Variants in SGO2 observed in about 807,000 individuals in gnomAD.
SGO2 encodes shugoshin 2.
Under a neutral mutation model 99.5 loss-of-function variants are expected in SGO2, and 68 were observed. The ratio of observed to expected loss-of-function variants is 0.68; its 90% CI spans 0.56 to 0.84. The LOEUF is 0.84. Among genes scored for constraint, SGO2 ranks in the 40% least tolerant of loss-of-function variants. SGO2 has a pLI of 0.00. For synonymous variants in SGO2, 457 were observed against 487.1 expected (o/e 0.94, Z 0.81); for missense variants, 1,350 against 1,436.7 (o/e 0.94, Z 0.97).
chr2:200,540,028 G>T (rs1245424849), intron 4 of SGO2, among the ~76,000 whole-genome samples: 1 of 149,804 alleles, frequency 6.7e-6, no homozygotes, highest in Non-Finnish European at 1.5e-5. Flanking sequence ...ATTTTATTTG[G>T]TTATTACATT....
rs773233021 is a variant in SGO2 at position 200,571,515 on chromosome 2, C to T, written c.1169C>T (p.Thr390Ile). 2.5e-6 allele frequency: 4 copies of T among 1,611,130 alleles called. No homozygotes were observed. Among genetic ancestry groups the T allele is most frequent in the South Asian group, 2.2e-5 (2 of 90,262 alleles). ...ATTAAAAAGAAAAGTAATAAAAAAA[C>T]AAATGAACATGGAATGAAAACTTTC... is the stretch of plus-strand genomic sequence containing the variant. Reference protein sequence around the residue: ...TGIKKKSNKKTNEHGMKTFRK... With the variant: ...TGIKKKSNKKINEHGMKTFRK... The change falls in exon 7 of 9, where the codon ACA becomes ATA. Residue 390 changes from threonine to isoleucine, a missense_variant. By Grantham distance (89) the Thr-to-Ile change is moderately conservative (BLOSUM62 -1). Coordinates refer to ENST00000357799, the MANE Select transcript of SGO2 (RefSeq NM_152524.6).
rs2033436242 is a variant in SGO2 at position 200,571,749 on chromosome 2, A to G, written c.1403A>G (p.Asn468Ser). ...ATGAATGAACAGCTGGCTCAGGTGA[A>G]TGAACTAAAGAAAATGACCCTTCAA... The part of the protein sequence containing the change: ...AQMNEQLAQV[N>S]ELKKMTLQTG... The change falls in exon 7 of 9, where the codon AAT (asparagine) becomes AGT (serine). Residue 468 changes from asparagine (N) to serine (S), a missense_variant. Coordinates refer to ENST00000357799, the MANE Select transcript of SGO2 (RefSeq NM_152524.6). The G allele has an allele frequency of 6.2e-7, 1 of 1,613,768 alleles. No individual in the cohort carries two copies. The highest frequency in any genetic ancestry group is 1.7e-5 in the Admixed American group (1 of 59,994).
chr2:200,574,176 G>A (rs1336525425), intron 7 of SGO2, among the ~76,000 whole-genome samples, 199 bp downstream of exon 7: 3 of 152,024 alleles, frequency 2.0e-5, no homozygotes, highest in African/African-American at 7.2e-5. Flanking sequence ...AACAGTGAGA[G>A]TATCTTGGAC....
At chr2:200,563,134 T>C (rs1005136118) in intron 5 of SGO2, among the ~76,000 whole-genome samples, 2 of 152,220 alleles carry the variant, frequency 1.3e-5, no homozygotes, top group Non-Finnish European at 2.9e-5. Context: ...CCCTGTCTTA[T>C]GCCAGTTTTC....
intron 8 of SGO2, among the ~76,000 whole-genome samples, chr2:200,576,993 T>C (rs1046846657): frequency 6.6e-6 from 1 of 152,196 alleles, no homozygotes; most frequent in African/African-American, 2.4e-5. Flanking sequence ...ATGAATATGC[T>C]ACTATGAACA....
intron 7 of SGO2, among the ~76,000 whole-genome samples, chr2:200,574,391 A>G: frequency 6.6e-6 from 1 of 152,082 alleles, no homozygotes; most frequent in Non-Finnish European, 1.5e-5. Context: ...ACGTATATTT[A>G]ATGTGATCAA....
Position 200,533,358 on chromosome 2 carries a change from T to G in SGO2, c.133+250T>G, listed in dbSNP as rs1312597662. On this transcript the variant is annotated intron_variant, in intron 2 of 8. Transcript: ENST00000357799. Reference sequence around the variant, plus strand: ...CTGCAGTGACCCAAGACAGCTACTTTCTACAGCGCAGAAAAAAACTACCAA... The same window carrying G: ...CTGCAGTGACCCAAGACAGCTACTTGCTACAGCGCAGAAAAAAACTACCAA... 1.1e-5 allele frequency: 3 copies of G among 280,338 alleles called. No individual in the cohort carries two copies. In the Admixed American group the frequency reaches 1.5e-4, roughly 14 times the overall value. The allele number at this position is 280,338 out of a possible 1,614,324, so 17.4% of individuals were successfully genotyped here.
At chr2:200,538,763 G>A (rs551885437) in intron 4 of SGO2, among the ~76,000 whole-genome samples, 272 of 152,252 alleles carry the variant, frequency 1.8e-3, no homozygotes, top group Admixed American at 3.8e-3. Context: ...TTTTTAGTAT[G>A]ATGATGATGT....
At chr2:200,547,225 A>G (rs1353943838) in intron 5 of SGO2, among the ~76,000 whole-genome samples, 1 of 152,202 alleles carries the variant, frequency 6.6e-6, no homozygotes, top group Non-Finnish European at 1.5e-5. Context: ...CAACATTTTC[A>G]AGGCACTCAA....
intron 5 of SGO2, among the ~76,000 whole-genome samples, chr2:200,559,774 T>G (rs867304339): frequency 1.3e-5 from 2 of 152,194 alleles, no homozygotes; most frequent in Non-Finnish European, 2.9e-5. Flanking sequence ...AAGATTTTTT[T>G]TCCTGATTTT....
Position 200,571,389 on chromosome 2 carries a change from T to C in SGO2, c.1043T>C (p.Ile348Thr), listed in dbSNP as rs922383144. 6.2e-7 allele frequency: 1 copy of C among 1,610,206 alleles called. No homozygotes were observed. The highest frequency in any genetic ancestry group is 8.5e-7 in the Non-Finnish European group (1 of 1,177,202). Reference protein sequence around the residue: ...REPNAECMNQIEDNDDFQLQK... With the variant: ...REPNAECMNQTEDNDDFQLQK... ...CCTAATGCAGAGTGCATGAATCAAA[T>C]TGAGGATAATGATGACTTTCAATTG... The change falls in exon 7 of 9, where the codon ATT becomes ACT. Residue 348 changes from isoleucine to threonine, a missense_variant. By Grantham distance (89) the Ile-to-Thr change is moderately conservative (BLOSUM62 -1). Coordinates refer to ENST00000357799, the MANE Select transcript of SGO2 (RefSeq NM_152524.6).
At chr2:200,575,636 A>T (rs1311649312) in intron 8 of SGO2, among the ~76,000 whole-genome samples, 175 bp downstream of exon 8, 1 of 152,100 alleles carries the variant, frequency 6.6e-6, no homozygotes, top group African/African-American at 2.4e-5. Context: ...TGGACAGGCT[A>T]TTTTTGGGGG....
chr2:200,535,275 A>C (rs1338445162), intron 3 of SGO2, 104 bp downstream of exon 3: 17 of 1,047,518 alleles, frequency 1.6e-5, no homozygotes, highest in Non-Finnish European at 2.3e-5. Context: ...AATAGTGAAA[A>C]ATTATTGAAA....
At chr2:200,554,296 G>C (rs2032615031) in intron 5 of SGO2, among the ~76,000 whole-genome samples, 1 of 152,102 alleles carries the variant, frequency 6.6e-6, no homozygotes. Context: ...AGCCAAAAAA[G>C]ATTACTTCAG....
rs377133179 is a variant in SGO2 at position 200,549,535 on chromosome 2, C to T, written c.473+6871C>T. ...TACTAGCAAGTCAAATTCAACAACACATTAAAAAGAACATTCACCATGATC... is the reference window on the plus strand; with the variant it reads ...TACTAGCAAGTCAAATTCAACAACATATTAAAAAGAACATTCACCATGATC... On this transcript the variant is annotated intron_variant, in intron 5 of 8. Transcript: ENST00000357799. Among the ~76,000 whole-genome samples, 231 of 152,230 alleles carry T rather than the reference C, an allele frequency of 1.5e-3. 1 individual carries two copies. The highest frequency in any genetic ancestry group is 5.2e-3 in the African/African-American group (217 of 41,534).
chr2:200,556,562 A>G (rs1223457400), intron 5 of SGO2, among the ~76,000 whole-genome samples: 1 of 152,170 alleles, frequency 6.6e-6, no homozygotes, highest in Non-Finnish European at 1.5e-5. Flanking sequence ...GAAGTCATAC[A>G]TGGAGGGGAA....
intron 5 of SGO2, among the ~76,000 whole-genome samples, chr2:200,550,126 C>A (rs1338768762): frequency 6.6e-6 from 1 of 151,948 alleles, no homozygotes; most frequent in Admixed American, 6.6e-5. Flanking sequence ...ATATGAAATA[C>A]CTAGGAATCA....
chr2:200,576,048 T>C lies in SGO2; in HGVS notation c.3782+587T>C, dbSNP rs911196320. The C allele has an allele frequency of 7.7e-6, 3 of 391,906 alleles. No individual in the cohort carries two copies. In the Admixed American group the frequency reaches 1.2e-4, roughly 15 times the overall value. 24.3% of individuals were successfully genotyped at this position (391,906 alleles called of 1,614,324 possible). A position where few individuals can be genotyped will look rare whatever the true frequency, so the allele number is the denominator to read the frequency against. ...AATTCTTAAAACACTTCGATATATC[T>C]CTCTCTAAAAAGTAAGAACTTAAAG... On this transcript the variant is annotated intron_variant, in intron 8 of 8. Transcript: ENST00000357799.
intron 8 of SGO2, among the ~76,000 whole-genome samples, chr2:200,579,187 C>G (rs1309478079): frequency 6.6e-6 from 1 of 152,158 alleles, no homozygotes; most frequent in African/African-American, 2.4e-5. Flanking sequence ...CAATGTTGTT[C>G]GTATATATGA....
Sources: allele counts gnomAD v4.1 joint callset (sites outside exome capture counted in the v4.1 genomes callset), GRCh38; gene constraint gnomAD v4.1.1; transcripts MANE v1.5; gene names NCBI Gene and HGNC (gene_info 2026-07-23, HGNC 2026-07-21).